The following CLVS1 variants were observed in gnomAD, a reference collection of about 807,000 sequenced individuals.
CLVS1 encodes clavesin 1, also known as clavesin-1.
In CLVS1, 10 loss-of-function variants were observed where a neutral mutation model predicts 33.1. The ratio of observed to expected loss-of-function variants is 0.30; its 90% CI spans 0.19 to 0.51. The LOEUF is 0.51. CLVS1 is among the 20% of genes least tolerant of loss of function. The pLI is 0.97. For missense variants in CLVS1, 343 were observed against 433.4 expected (o/e 0.79, Z 1.85); for synonymous variants, 163 against 166.1 (o/e 0.98, Z 0.14).
intron 1 of CLVS1, among the ~76,000 whole-genome samples, chr8:61,114,021 C>G (rs543042062): frequency 1.3e-5 from 2 of 152,358 alleles, no homozygotes; most frequent in South Asian, 2.1e-4. Context: ...CCTGTATCAA[C>G]TACTCAACTC....
the CLVS1 span, among the ~76,000 whole-genome samples, chr8:60,997,463 G>A: frequency 1.3e-5 from 2 of 152,164 alleles, no homozygotes; most frequent in African/African-American, 4.8e-5. Context: ...GCATCTATAT[G>A]CATGCACATA....
chr8:61,497,461 T>A, intron 5 of CLVS1, among the ~76,000 whole-genome samples: 1 of 148,310 alleles, frequency 6.7e-6, no homozygotes, highest in South Asian at 2.2e-4. Flanking sequence ...GGTGTCAGTC[T>A]CATGGGCATG....
chr8:61,231,617 G>C (rs1353856647), intron 2 of CLVS1, among the ~76,000 whole-genome samples: 6 of 152,104 alleles, frequency 3.9e-5, no homozygotes, highest in Non-Finnish European at 7.4e-5. Context: ...TTCACCTATT[G>C]TATTATTTAA....
At chr8:61,002,598 C>T in the CLVS1 span, among the ~76,000 whole-genome samples, 1 of 152,036 alleles carries the variant, frequency 6.6e-6, no homozygotes, top group African/African-American at 2.4e-5. Flanking sequence ...TCCCAAACTG[C>T]TGGGATTATG....
intron 1 of CLVS1, among the ~76,000 whole-genome samples, chr8:61,116,390 C>T (rs1271690948): frequency 6.6e-6 from 1 of 152,132 alleles, no homozygotes; most frequent in African/African-American, 2.4e-5. Context: ...TCCCATTTGT[C>T]AATTTTGGCT....
Position 61,424,194 on chromosome 8 carries a change from C to T in CLVS1, c.631-29947C>T, listed in dbSNP as rs1174321720. Among the ~76,000 whole-genome samples the T allele has an allele frequency of 2.0e-5, 3 of 152,174 alleles. No homozygotes were observed. In the East Asian group the frequency reaches 5.8e-4, roughly 29 times the overall value. ...TTCACCTGTGTTCTTAAATTGTCTG[C>T]CATTATTTGCTTCATTAGTGCCTCT... On this transcript the variant is annotated intron_variant, in intron 3 of 5. Coordinates refer to ENST00000325897, the MANE Select transcript of CLVS1 (RefSeq NM_173519.3).
chr8:61,000,949 G>A, the CLVS1 span, among the ~76,000 whole-genome samples: 2 of 152,226 alleles, frequency 1.3e-5, no homozygotes, highest in East Asian at 3.9e-4. Flanking sequence ...ACTCAGTCAG[G>A]TTCTTCCTGG....
chr8:60,980,513 G>T, the CLVS1 span, among the ~76,000 whole-genome samples: 1 of 152,186 alleles, frequency 6.6e-6, no homozygotes, highest in Non-Finnish European at 1.5e-5. Flanking sequence ...GGGCCGGGTG[G>T]GATAGCTCAC....
In CLVS1 at chr8:61,384,879, C is replaced by T. The variant is rs1475879358; in HGVS notation, c.630+8100C>T. On this transcript the variant is annotated intron_variant, in intron 3 of 5. Coordinates refer to ENST00000325897, the MANE Select transcript of CLVS1 (RefSeq NM_173519.3). ...ATGAGAAGCTGGAGAATGGGGAGAT[C>T]GGGACAATGGGGAGATCGGGACAGG... Among the ~76,000 whole-genome samples the T allele has an allele frequency of 3.9e-5, 6 of 151,912 alleles. No individual in the cohort carries two copies. In the East Asian group the frequency reaches 9.6e-4, roughly 24 times the overall value.
At chr8:61,149,569 C>G (rs77184134) in intron 2 of CLVS1, among the ~76,000 whole-genome samples, 1 of 120,274 alleles carries the variant, frequency 8.3e-6, no homozygotes, top group Non-Finnish European at 1.7e-5. Flanking sequence ...AAAAAAAAAA[C>G]AAAAAACAAA....
intron 2 of CLVS1, among the ~76,000 whole-genome samples, chr8:61,310,794 C>T (rs1008696867): frequency 6.6e-6 from 1 of 152,158 alleles, no homozygotes; most frequent in East Asian, 1.9e-4. Context: ...AAATTTGGTC[C>T]TAATCTAAGC....
intron 2 of CLVS1, among the ~76,000 whole-genome samples, chr8:61,330,681 T>C (rs1811560412): frequency 6.6e-6 from 1 of 152,222 alleles, no homozygotes; most frequent in Non-Finnish European, 1.5e-5. Context: ...CTTCTTCATC[T>C]TTTTCGGAAT....
chr8:61,146,220 A>T (rs924526285), intron 2 of CLVS1, among the ~76,000 whole-genome samples: 2 of 152,196 alleles, frequency 1.3e-5, no homozygotes, highest in African/African-American at 4.8e-5. Context: ...CTGAATTCAC[A>T]TGTGAAATAC....
chr8:61,053,766 A>G (rs1804425619), upstream of CLVS1, among the ~76,000 whole-genome samples: 1 of 152,166 alleles, frequency 6.6e-6, no homozygotes, highest in Non-Finnish European at 1.5e-5. Flanking sequence ...TTCTCTTTGA[A>G]CATTCCGTCC....
chr8:61,338,785 G>A (rs1775698780), intron 2 of CLVS1, among the ~76,000 whole-genome samples: 1 of 152,084 alleles, frequency 6.6e-6, no homozygotes, highest in Admixed American at 6.5e-5. Context: ...CCTGCCCCCT[G>A]GCTCTGGCTC....
intron 1 of CLVS1, 185 bp downstream of exon 1, chr8:61,288,323 C>T (rs1250176150): frequency 6.6e-6 from 3 of 453,126 alleles, no homozygotes; most frequent in African/African-American, 6.0e-5. Context: ...GGTCCATCCT[C>T]CTCCCGGCGC....
chr8:61,217,061 C>A (rs1383014837), intron 2 of CLVS1, among the ~76,000 whole-genome samples: 2 of 152,034 alleles, frequency 1.3e-5, no homozygotes, highest in African/African-American at 4.8e-5. Flanking sequence ...TTTAATGAAC[C>A]AAAATTTATT....
chr8:61,019,380 T>C, the CLVS1 span, among the ~76,000 whole-genome samples: 1 of 152,192 alleles, frequency 6.6e-6, no homozygotes, highest in African/African-American at 2.4e-5. Context: ...CCTGGCCTGG[T>C]GTCAGCCACT....
rs575043668 is a variant in CLVS1 at position 61,122,882 on chromosome 8, G to T, written c.-242-8888G>T. 1.9e-5 allele frequency among the ~76,000 whole-genome samples: 2 copies of T among 105,784 alleles called. 1 individual carries two copies. Among genetic ancestry groups the T allele is most frequent in the Non-Finnish European group, 4.2e-5 (2 of 47,112 alleles). 69.4% of individuals were successfully genotyped at this position (105,784 alleles called of 152,430 possible). A position where few individuals can be genotyped will look rare whatever the true frequency, so the allele number is the denominator to read the frequency against. ...AAGTACAGAAAATGTGATTTTCTGC[G>T]TTCACTCTTAATGTTCGTGGTTTCT... On this transcript the variant is annotated intron_variant, in intron 1 of 2. Transcript: ENST00000522621.
Sources: gnomAD v4.1 joint callset for allele counts (sites outside exome capture counted in the v4.1 genomes callset) on GRCh38, gnomAD v4.1.1 for gene constraint, MANE v1.5 for transcripts, NCBI Gene and HGNC (gene_info 2026-07-23, HGNC 2026-07-21) for gene names.